CSMD1: variants seen among roughly 807,000 people sequenced by gnomAD.
CSMD1 encodes CUB and sushi domain-containing protein 1.
CSMD1 carries 213 observed loss-of-function variants against 417.5 expected under a neutral mutation model. That is an observed-to-expected ratio of 0.51 (90% CI 0.46 to 0.57). CSMD1 has a LOEUF of 0.57. Ranked by LOEUF, CSMD1 falls within the 20% of genes least tolerant of loss-of-function variation. The pLI is 0.00. For missense variants in CSMD1, 6,923 were observed against 4,529.7 expected (o/e 1.53, Z -15.17); for synonymous variants, 2,862 against 1,736.8 (o/e 1.65, Z -16.11).
intron 23 of CSMD1, among the ~76,000 whole-genome samples, chr8:3,322,930 C>CT (rs147438006): frequency 0.046 from 7,034 of 152,030 alleles, 365 homozygotes; most frequent in East Asian, 0.22. Flanking sequence ...TTGTTTTTTG[C>CT]TTTTTTTTGT....
In CSMD1 at chr8:4,525,187, C is replaced by T. The variant is rs1162123509; in HGVS notation, c.303-105122G>A. ...CCAGGCTCCCACCTTCCCTCTATGCCACAACCCCCACCTACCAACAAAAAA... is the reference window on the plus strand; with the variant it reads ...CCAGGCTCCCACCTTCCCTCTATGCTACAACCCCCACCTACCAACAAAAAA... On this transcript the variant is annotated intron_variant, in intron 2 of 69. Coordinates refer to ENST00000635120, the MANE Select transcript of CSMD1 (RefSeq NM_033225.6). Among the ~76,000 whole-genome samples the T allele has an allele frequency of 2.0e-5, 3 of 152,240 alleles. No homozygotes were observed. The South Asian group carries it at 6.2e-4, about 32-fold the overall frequency.
intron 30 of CSMD1, among the ~76,000 whole-genome samples, chr8:3,213,552 A>G (rs1280747425): frequency 2.0e-5 from 3 of 152,154 alleles, no homozygotes; most frequent in African/African-American, 7.2e-5. Flanking sequence ...CAACGATTTT[A>G]CTAATTTCAT....
intron 49 of CSMD1, among the ~76,000 whole-genome samples, chr8:3,065,282 C>CATAGATAGATAG (rs199836260): frequency 5.0e-5 from 7 of 140,352 alleles, no homozygotes; most frequent in African/African-American, 1.9e-4. Flanking sequence ...GAATATGATA[C>CATAGATAGATAG]ATAGATAGAT....
chr8:3,601,984 T>C (rs773388801), intron 8 of CSMD1, among the ~76,000 whole-genome samples: 2 of 151,900 alleles, frequency 1.3e-5, no homozygotes, highest in African/African-American at 4.8e-5. Context: ...TGTCGGGAGA[T>C]GTGGGTAGGG....
At position 4,303,517 on chromosome 8, in the gene CSMD1, T is replaced by C. The variant is rs183931039; in HGVS notation, c.415+116436A>G. On this transcript the variant is annotated intron_variant, in intron 3 of 69. Transcript: ENST00000635120. ...CTCCTTACCATCTCTAGCACGTCTA[T>C]ATTCAAAGATTCTGTAAAAGGAAAA... 7.2e-3 allele frequency among the ~76,000 whole-genome samples: 1,078 copies of C among 149,364 alleles called. 44 individuals carry two copies. The highest frequency in any genetic ancestry group is 0.067 in the Admixed American group (1,002 of 14,856).
At chr8:4,563,334 G>C (rs1438665794) in intron 2 of CSMD1, among the ~76,000 whole-genome samples, 1 of 152,196 alleles carries the variant, frequency 6.6e-6, no homozygotes, top group Non-Finnish European at 1.5e-5. Flanking sequence ...CCAGGAGATA[G>C]AGCTTTCAGT....
At chr8:4,141,401 G>C (rs1448339091) in intron 3 of CSMD1, among the ~76,000 whole-genome samples, 2 of 151,124 alleles carry the variant, frequency 1.3e-5, no homozygotes, top group Non-Finnish European at 2.9e-5. Context: ...AGAAAGATTT[G>C]GCTAAACAAA....
chr8:3,752,939 G>C (rs1797434468), intron 6 of CSMD1, among the ~76,000 whole-genome samples: 1 of 152,162 alleles, frequency 6.6e-6, no homozygotes, highest in Admixed American at 6.5e-5. Context: ...ATTTAGACCA[G>C]TTTGTTGAAA....
At chr8:3,267,773 A>T (rs1801539656) in intron 26 of CSMD1, among the ~76,000 whole-genome samples, 1 of 152,040 alleles carries the variant, frequency 6.6e-6, no homozygotes, top group South Asian at 2.1e-4. Flanking sequence ...AGCTGATGGG[A>T]GTGGAGCGGG....
chr8:4,357,594 C>T (rs1177704230), intron 3 of CSMD1, among the ~76,000 whole-genome samples: 5 of 152,054 alleles, frequency 3.3e-5, no homozygotes, highest in African/African-American at 7.2e-5. Context: ...TAGTATTAGT[C>T]CTTTAGGATA....
intron 10 of CSMD1, among the ~76,000 whole-genome samples, chr8:3,568,633 T>A (rs1206095987): frequency 1.3e-5 from 2 of 152,166 alleles, no homozygotes; most frequent in African/African-American, 4.8e-5. Context: ...GAGAGCTATA[T>A]AACAGAAACT....
rs7008708 is a variant in CSMD1 at position 3,068,911 on chromosome 8, C to A, written c.7475-16264G>T. On this transcript the variant is annotated intron_variant, in intron 49 of 69. Coordinates refer to ENST00000635120, the MANE Select transcript of CSMD1 (RefSeq NM_033225.6). Reference sequence around the variant, plus strand: ...ATATTATTTCTCCCCTGACCCCTCCCAATTCTCATATCCTTCTCATATTGC... The same window carrying A: ...ATATTATTTCTCCCCTGACCCCTCCAAATTCTCATATCCTTCTCATATTGC... Among the ~76,000 whole-genome samples, 1,114 of 152,188 alleles carry A rather than the reference C, an allele frequency of 7.3e-3. 14 individuals carry two copies. The highest frequency in any genetic ancestry group is 0.025 in the African/African-American group (1,042 of 41,508).
chr8:3,691,132 C>T (rs1180863478), intron 7 of CSMD1, among the ~76,000 whole-genome samples: 6 of 151,960 alleles, frequency 3.9e-5, no homozygotes, highest in African/African-American at 7.3e-5. Flanking sequence ...TTTGGGAGGC[C>T]GGGGCAGGCG....
intron 3 of CSMD1, among the ~76,000 whole-genome samples, chr8:4,093,020 T>G (rs10107611): frequency 0.31 from 47,098 of 152,054 alleles, 7,781 homozygotes; most frequent in African/African-American, 0.42. Context: ...AGGAATGCTG[T>G]GAACATTTTT....
At chr8:4,559,096 C>A (rs1028738997) in intron 2 of CSMD1, among the ~76,000 whole-genome samples, 1 of 152,132 alleles carries the variant, frequency 6.6e-6, no homozygotes, top group Non-Finnish European at 1.5e-5. Flanking sequence ...TCTGCTGCTG[C>A]ATGTTTATAC....
In CSMD1 at chr8:3,930,176, T is replaced by C. The variant is rs974503378; in HGVS notation, c.818+67727A>G. On this transcript the variant is annotated intron_variant, in intron 5 of 69. Transcript: ENST00000635120. ...GCTCTATTCCAGTGAGAACATCAGT[T>C]ATACTTGCCGTATCTATTAGATGAT... 1.3e-5 allele frequency among the ~76,000 whole-genome samples: 2 copies of C among 150,290 alleles called. 1 individual carries two copies. Among genetic ancestry groups the C allele is most frequent in the Admixed American group, 1.3e-4 (2 of 15,088 alleles).
chr8:4,791,870 T>A (rs927727275), intron 1 of CSMD1, among the ~76,000 whole-genome samples: 1 of 151,998 alleles, frequency 6.6e-6, no homozygotes, highest in Non-Finnish European at 1.5e-5. Flanking sequence ...AAAATTTTTT[T>A]AGCTTGCATT....
intron 15 of CSMD1, among the ~76,000 whole-genome samples, chr8:3,404,408 G>C (rs1249033223): frequency 6.6e-6 from 1 of 151,994 alleles, no homozygotes; most frequent in Non-Finnish European, 1.5e-5. Flanking sequence ...GGTGGGACCA[G>C]GGCAGGATGA....
chr8:4,537,627 A>G (rs943544033), intron 2 of CSMD1, among the ~76,000 whole-genome samples: 1 of 152,158 alleles, frequency 6.6e-6, no homozygotes, highest in African/African-American at 2.4e-5. Flanking sequence ...ACACTATTCT[A>G]TAAACATTTC....
Sources: gnomAD v4.1 joint callset for allele counts (sites outside exome capture counted in the v4.1 genomes callset) on GRCh38, gnomAD v4.1.1 for gene constraint, MANE v1.5 for transcripts, NCBI Gene and HGNC (gene_info 2026-07-23, HGNC 2026-07-21) for gene names.